The following PPP1R12A variants were observed in gnomAD, a reference collection of about 807,000 sequenced individuals.
PPP1R12A encodes protein phosphatase 1 regulatory subunit 12A, also known as myosin binding subunit.
A neutral mutation model predicts 139.6 loss-of-function variants in PPP1R12A; 19 were observed. The observed-to-expected ratio is 0.14, with a 90% CI of 0.09 to 0.20. The LOEUF (loss-of-function observed/expected upper bound fraction) is 0.20, where lower values mean the gene tolerates loss of function less well. PPP1R12A is among the 10% of genes least tolerant of loss of function. The pLI is 1.00. For missense variants in PPP1R12A, 925 were observed against 1,211.5 expected, an observed-to-expected ratio of 0.76 and a Z score of 3.51; for synonymous variants, 427 against 420.6, an observed-to-expected ratio of 1.02 and a Z score of -0.19.
chr12:79,913,861 C>A (rs188631427), intron 1 of PPP1R12A: 22 of 152,240 alleles, frequency 1.4e-4, no homozygotes, highest in African/African-American at 5.3e-4. Context: ...CTCTTAGCCC[C>A]TTACAGAAGT....
intron 1 of PPP1R12A, among the ~76,000 whole-genome samples, chr12:79,881,259 T>C (rs796565542): frequency 6.6e-6 from 1 of 152,308 alleles, no homozygotes; most frequent in African/African-American, 2.4e-5. Context: ...TATGCTGAGG[T>C]AGGCCAAAAG....
chr12:79,780,301 A>C (rs1870277061), intron 23 of PPP1R12A: 4 of 152,024 alleles, frequency 2.6e-5, no homozygotes, highest in Non-Finnish European at 5.9e-5. Flanking sequence ...TGCCTGCTTG[A>C]TATACAGAGA....
intron 1 of PPP1R12A, among the ~76,000 whole-genome samples, chr12:79,881,921 T>A (rs1286806332): frequency 2.6e-5 from 4 of 152,170 alleles, no homozygotes; most frequent in African/African-American, 7.2e-5. Context: ...GCTCTATAAA[T>A]GGAACAACAA....
intron 9 of PPP1R12A, among the ~76,000 whole-genome samples, chr12:79,815,445 C>G (rs2694663): frequency 2.0e-5 from 3 of 151,360 alleles, no homozygotes; most frequent in Non-Finnish European, 4.4e-5. Context: ...CGCTTAAACC[C>G]GGGAGGCAGA....
chr12:79,893,336 C>T (rs1196251762), intron 1 of PPP1R12A, among the ~76,000 whole-genome samples: 1 of 152,106 alleles, frequency 6.6e-6, no homozygotes, highest in Non-Finnish European at 1.5e-5. Context: ...TTATAACATA[C>T]CTGTCCTAAC....
chr12:79,826,573 T>TA (rs2137132942), intron 5 of PPP1R12A, among the ~76,000 whole-genome samples: 1 of 152,230 alleles, frequency 6.6e-6, no homozygotes, highest in East Asian at 1.9e-4. Flanking sequence ...AAATAAAATT[T>TA]AGAGTGACAT....
Position 79,806,194 on chromosome 12 carries a change from C to G in PPP1R12A, c.1795G>C (p.Gly599Arg). The G allele has an allele frequency of 5.6e-6, 9 of 1,613,818 alleles. No individual in the cohort carries two copies. The highest frequency in any genetic ancestry group is 7.6e-6 in the Non-Finnish European group (9 of 1,179,786). The stretch of plus-strand genomic sequence containing the variant: ...CTTTGTGTGCCTGCTGAGGAAGAAC[C>G]CGTTGTAATCTTTGTAGTAGTGCTT... ...STSTTTKITT[G>R]SSSAGTQSST... Residue 599 changes from glycine (G) to arginine (R), a missense_variant, in exon 13 of 25, where the codon GGT (glycine) becomes CGT (arginine). Transcript: ENST00000450142.
rs1327200709 is a variant in PPP1R12A, at chr12:79,774,594, C to G, written c.*1335G>C. Reference sequence around the variant, plus strand: ...TAAAAGCTATTTGTCCAAATAAAAGCCATCGTCACTATGTACTTGGTTTTG... The same window carrying G: ...TAAAAGCTATTTGTCCAAATAAAAGGCATCGTCACTATGTACTTGGTTTTG... On this transcript the variant is annotated 3_prime_UTR_variant, in exon 25 of 25. Coordinates refer to ENST00000450142, the MANE Select transcript of PPP1R12A (RefSeq NM_002480.3). The G allele has an allele frequency of 6.6e-6, 1 of 150,774 alleles. No homozygotes were observed. The highest frequency in any genetic ancestry group is 1.5e-5 in the Non-Finnish European group (1 of 67,678). The allele number at this position is 150,774 out of a possible 1,614,324, so 9.3% of individuals were successfully genotyped here. A position where few individuals can be genotyped will look rare whatever the true frequency, so the allele number is the denominator to read the frequency against.
intron 1 of PPP1R12A, among the ~76,000 whole-genome samples, chr12:79,883,821 G>C (rs951362660): frequency 1.3e-5 from 2 of 152,106 alleles, no homozygotes; most frequent in Non-Finnish European, 2.9e-5. Context: ...ACAGACATTT[G>C]TGATACCTTA....
At chr12:79,778,431 C>T in intron 24 of PPP1R12A, 119 bp downstream of exon 24, 1 of 655,094 alleles carries the variant, frequency 1.5e-6, no homozygotes. Context: ...CAGATATAGA[C>T]AGTTCACAAA....
At chr12:79,901,724 G>T (rs575337405) in intron 1 of PPP1R12A, among the ~76,000 whole-genome samples, 3 of 152,210 alleles carry the variant, frequency 2.0e-5, no homozygotes, top group African/African-American at 7.2e-5. Context: ...CTCACTATGT[G>T]CCAGGCACTA....
intron 1 of PPP1R12A, among the ~76,000 whole-genome samples, chr12:79,929,849 T>A (rs932181650): frequency 6.6e-6 from 1 of 152,202 alleles, no homozygotes; most frequent in African/African-American, 2.4e-5. Context: ...ATTTGTTTCA[T>A]AATCACACAA....
intron 1 of PPP1R12A, among the ~76,000 whole-genome samples, chr12:79,929,155 T>C (rs1888065020): frequency 6.6e-6 from 1 of 152,144 alleles, no homozygotes; most frequent in African/African-American, 2.4e-5. Flanking sequence ...CCTAGATACC[T>C]CAGAAGCGCA....
chr12:79,914,782 G>A (rs1448819156), intron 1 of PPP1R12A, among the ~76,000 whole-genome samples: 1 of 151,730 alleles, frequency 6.6e-6, no homozygotes, highest in Non-Finnish European at 1.5e-5. Context: ...TAGATAACTA[G>A]ACCAGAATGT....
rs1045017007 is a variant in PPP1R12A at position 79,898,011 on chromosome 12, T to C, written c.238-25073A>G. Among the ~76,000 whole-genome samples the C allele has an allele frequency of 2.6e-5, 4 of 152,362 alleles. No individual in the cohort carries two copies. In the East Asian group the frequency reaches 5.8e-4, roughly 22 times the overall value. On this transcript the variant is annotated intron_variant, in intron 1 of 24. Transcript: ENST00000450142. The stretch of plus-strand genomic sequence containing the variant: ...CTCAATGACTTCACACTAAACTCAG[T>C]GTAATACTCTACCAGCAGATATTTT...
intron 9 of PPP1R12A, among the ~76,000 whole-genome samples, chr12:79,811,170 T>C (rs1874481517): frequency 6.6e-6 from 1 of 152,216 alleles, no homozygotes; most frequent in Non-Finnish European, 1.5e-5. Context: ...ATTTCTTTCA[T>C]ATCTATTGCC....
chr12:79,906,598 C>CCTTTATGT (rs201019275), intron 1 of PPP1R12A, among the ~76,000 whole-genome samples: 6 of 151,274 alleles, frequency 4.0e-5, no homozygotes, highest in African/African-American at 9.8e-5. Flanking sequence ...TTTATTTATT[C>CCTTTATGT]ATTTATGTAT....
chr12:79,832,984 ATTTCCT>A (rs1293003990), intron 3 of PPP1R12A, among the ~76,000 whole-genome samples: 2 of 152,126 alleles, frequency 1.3e-5, no homozygotes, highest in Admixed American at 6.6e-5. Context: ...AACTCCCTTC[ATTTCCT>A]TTTCCAACAT....
intron 1 of PPP1R12A, among the ~76,000 whole-genome samples, chr12:79,929,248 G>C (rs1204592104): frequency 6.6e-6 from 1 of 152,196 alleles, no homozygotes; most frequent in Non-Finnish European, 1.5e-5. Context: ...AGTAATGCTA[G>C]CTTGCCAGTG....
Sources: allele counts gnomAD v4.1 joint callset (sites outside exome capture counted in the v4.1 genomes callset), GRCh38; gene constraint gnomAD v4.1.1; transcripts MANE v1.5; gene names NCBI Gene and HGNC (gene_info 2026-07-23, HGNC 2026-07-21).